The following PRKCB variants were observed in gnomAD, a reference collection of about 807,000 sequenced individuals.
PRKCB encodes the protein protein kinase C beta.
In PRKCB, 13 loss-of-function variants were observed where a neutral mutation model predicts 81.5. That is an observed-to-expected ratio of 0.16 (90% CI 0.10 to 0.25). The LOEUF (loss-of-function observed/expected upper bound fraction) is 0.25. PRKCB is among the 10% of genes least tolerant of loss of function. The pLI, the probability that PRKCB is intolerant of heterozygous loss-of-function variation, is 1.00. For synonymous variants in PRKCB, 335 were observed against 321.4 expected (o/e 1.04, Z -0.45); for missense variants, 509 against 875.7 (o/e 0.58, Z 5.29).
intron 2 of PRKCB, among the ~76,000 whole-genome samples, chr16:23,887,089 CTTCTTGCTTTCTTGCTTTCT>C (rs1161524841): frequency 5.3e-5 from 8 of 151,744 alleles, no homozygotes; most frequent in East Asian, 1.9e-4. Flanking sequence ...TCTTTCTTTC[CTTCTTGCTTTCTTGCTTTCT>C]TTCTTGCTTT....
At chr16:24,092,621 T>A (rs1383049121) in intron 5 of PRKCB, among the ~76,000 whole-genome samples, 170 bp from the exon 6 acceptor site, 4 of 152,188 alleles carry the variant, frequency 2.6e-5, no homozygotes, top group African/African-American at 9.7e-5. Flanking sequence ...TGACATCTTA[T>A]CAGCCCATCT....
chr16:24,056,194 T>C (rs1965900842), intron 5 of PRKCB, among the ~76,000 whole-genome samples: 1 of 152,272 alleles, frequency 6.6e-6, no homozygotes, highest in Non-Finnish European at 1.5e-5. Context: ...TGCCAGCCTC[T>C]CCCTTGGGGT....
At chr16:24,007,571 C>A (rs1965142533) in intron 3 of PRKCB, among the ~76,000 whole-genome samples, 1 of 152,186 alleles carries the variant, frequency 6.6e-6, no homozygotes, top group Non-Finnish European at 1.5e-5. Context: ...CCCTTTGTCC[C>A]TCACTGTCAC....
At chr16:23,876,552 C>T (rs1963016356) in intron 2 of PRKCB, among the ~76,000 whole-genome samples, 2 of 150,350 alleles carry the variant, frequency 1.3e-5, no homozygotes, top group South Asian at 4.2e-4. Context: ...GTTCTTTTGT[C>T]TGCAGAAGCC....
chr16:24,061,838 G>A (rs553477060), intron 5 of PRKCB, among the ~76,000 whole-genome samples: 4 of 150,518 alleles, frequency 2.7e-5, no homozygotes, highest in Admixed American at 6.6e-5. Flanking sequence ...AGGAAGCCTG[G>A]AGCGACAAAG....
At chr16:24,062,952 G>A (rs372789068) in intron 5 of PRKCB, among the ~76,000 whole-genome samples, 12 of 151,818 alleles carry the variant, frequency 7.9e-5, no homozygotes, top group East Asian at 5.8e-4. Flanking sequence ...TTGAGTTCAA[G>A]CAGTAAGAGG....
rs3785406 is a variant in PRKCB, at chr16:23,839,768, A to G, written c.205+2362A>G. ...CCTTGTCTATAAAACGGAGTCAGTA[A>G]CAGTACCATAGTGTGGCTGAGCAGC... On this transcript the variant is annotated intron_variant, in intron 2 of 16. Transcript: ENST00000643927. Among the ~76,000 whole-genome samples, 37 of 152,332 alleles carry G rather than the reference A, an allele frequency of 2.4e-4. No individual in the cohort carries two copies. In the East Asian group the frequency reaches 7.1e-3, roughly 29 times the overall value.
At chr16:23,954,730 T>C (rs1048762753) in intron 2 of PRKCB, among the ~76,000 whole-genome samples, 1 of 152,202 alleles carries the variant, frequency 6.6e-6, no homozygotes, top group African/African-American at 2.4e-5. Context: ...GGGAATAAAA[T>C]ACTCATCTCA....
At chr16:23,947,552 T>C (rs1596483360) in intron 2 of PRKCB, among the ~76,000 whole-genome samples, 1 of 152,340 alleles carries the variant, frequency 6.6e-6, no homozygotes, top group Admixed American at 6.5e-5. Context: ...GAATCTGTGA[T>C]ACCAGCTGGT....
chr16:24,151,736 A>G, intron 9 of PRKCB: 1 of 450,546 alleles, frequency 2.2e-6, no homozygotes, highest in Admixed American at 2.4e-5. Context: ...TTGGCTTTCA[A>G]GAGCCACTGA....
At chr16:23,862,081 T>C (rs1962676765) in intron 2 of PRKCB, among the ~76,000 whole-genome samples, 1 of 152,214 alleles carries the variant, frequency 6.6e-6, no homozygotes, top group South Asian at 2.1e-4. Context: ...CCTGGTTTTT[T>C]GTATGTCGGG....
At chr16:23,912,637 A>G (rs931094853) in intron 2 of PRKCB, among the ~76,000 whole-genome samples, 162 of 124,512 alleles carry the variant, frequency 1.3e-3, no homozygotes, top group African/African-American at 4.5e-3. Flanking sequence ...CTCAGCCTCC[A>G]GAGTAGCTGG....
chr16:23,929,134 G>C (rs1963937491), intron 2 of PRKCB, among the ~76,000 whole-genome samples: 1 of 152,078 alleles, frequency 6.6e-6, no homozygotes. Flanking sequence ...ATGGCTCAGA[G>C]GAGAGAAAGT....
intron 3 of PRKCB, among the ~76,000 whole-genome samples, chr16:24,021,286 TC>T (rs1965390682): frequency 1.4e-5 from 1 of 69,404 alleles, no homozygotes; most frequent in Non-Finnish European, 2.8e-5. Flanking sequence ...CTTTTCTCCC[TC>T]TCCCTCCCTT....
chr16:24,015,597 A>G (rs1053785514), intron 3 of PRKCB, among the ~76,000 whole-genome samples: 24 of 152,230 alleles, frequency 1.6e-4, no homozygotes, highest in African/African-American at 5.5e-4. Flanking sequence ...CTAGGTGGCC[A>G]TCGCCTGGTT....
intron 12 of PRKCB, among the ~76,000 whole-genome samples, chr16:24,177,806 G>A (rs1033821591): frequency 4.6e-5 from 7 of 152,144 alleles, no homozygotes; most frequent in Non-Finnish European, 8.8e-5. Flanking sequence ...ATTGTTTCAG[G>A]CTGTATAGAC....
intron 2 of PRKCB, among the ~76,000 whole-genome samples, chr16:23,874,568 C>CT (rs58560122): frequency 0.55 from 73,438 of 132,798 alleles, 19,664 homozygotes; most frequent in Admixed American, 0.63. Context: ...ATTCTTCTCT[C>CT]TTTTTTTTTT....
chr16:23,961,878 C>T (rs959397846), intron 2 of PRKCB, among the ~76,000 whole-genome samples: 1 of 151,998 alleles, frequency 6.6e-6, no homozygotes, highest in Non-Finnish European at 1.5e-5. Flanking sequence ...ATTTGGGGTG[C>T]CCTCATTTCC....
chr16:23,895,019 T>G (rs1963355058), intron 2 of PRKCB, among the ~76,000 whole-genome samples: 1 of 152,188 alleles, frequency 6.6e-6, no homozygotes, highest in Non-Finnish European at 1.5e-5. Context: ...TTGAGTGGAT[T>G]TACCATACCC....
Sources: gnomAD v4.1 joint callset for allele counts (sites outside exome capture counted in the v4.1 genomes callset) on GRCh38, gnomAD v4.1.1 for gene constraint, MANE v1.5 for transcripts, NCBI Gene and HGNC (gene_info 2026-07-23, HGNC 2026-07-21) for gene names.